Variants in ANAPC16 observed in about 807,000 individuals in gnomAD.
ANAPC16 encodes anaphase promoting complex subunit 16.
In ANAPC16, 6 loss-of-function variants were observed where a neutral mutation model predicts 13.1. The ratio of observed to expected loss-of-function variants is 0.46; its 90% CI spans 0.25 to 0.90. The LOEUF (loss-of-function observed/expected upper bound fraction) is 0.90, where lower values mean the gene tolerates loss of function less well. ANAPC16 is among the 40% of genes least tolerant of loss of function. The pLI, the probability that ANAPC16 is intolerant of heterozygous loss-of-function variation, is 0.18. For missense variants in ANAPC16, 113 were observed against 131.1 expected (o/e 0.86, Z 0.67); for synonymous variants, 55 against 51.3 (o/e 1.07, Z -0.31).
Position 72,230,422 on chromosome 10 carries a change from C to T in ANAPC16, c.199C>T (p.Leu67Phe). The stretch of plus-strand genomic sequence containing the variant: ...TTTTAGCTATCAAGTGGCATCCACG[C>T]TTAAACAGGTGAAACATGGTAAGCA... ...SVFSYQVASTLKQVKHDQQVA... is the reference protein window; with the variant it reads ...SVFSYQVASTFKQVKHDQQVA... Residue 67 changes from leucine to phenylalanine, a missense_variant, in exon 3 of 4, where the codon CTT (leucine) becomes TTT (phenylalanine). Transcript: ENST00000299381. 1 of 1,614,048 alleles carries T rather than the reference C, an allele frequency of 6.2e-7. No homozygotes were observed. Among genetic ancestry groups the T allele is most frequent in the Non-Finnish European group, 8.5e-7 (1 of 1,179,952 alleles).
At chr10:72,222,842 T>C (rs1190219490) in intron 1 of ANAPC16, among the ~76,000 whole-genome samples, 1 of 152,232 alleles carries the variant, frequency 6.6e-6, no homozygotes, top group Non-Finnish European at 1.5e-5. Context: ...GTTAAAGTCG[T>C]GTAAGCTTCT....
intron 1 of ANAPC16, among the ~76,000 whole-genome samples, chr10:72,218,165 A>AATATATAT (rs61038115): frequency 6.3e-5 from 2 of 31,534 alleles, no homozygotes; most frequent in African/African-American, 1.6e-4. Flanking sequence ...AAAAAAAAAA[A>AATATATAT]ATATATATAT....
Position 72,234,455 on chromosome 10 carries a change from C to T in ANAPC16, c.*1339C>T, listed in dbSNP as rs545433712. ...GCCTGGCCTCAAGTAAGTTTTTATA[C>T]CATGATAGGGGAAAACCTGGAAGGC... On this transcript the variant is annotated 3_prime_UTR_variant, in exon 4 of 4. Coordinates refer to ENST00000299381, the MANE Select transcript of ANAPC16 (RefSeq NM_173473.4). The T allele has an allele frequency of 6.6e-6, 1 of 152,276 alleles. No individual in the cohort carries two copies. Among genetic ancestry groups the T allele is most frequent in the East Asian group, 1.9e-4 (1 of 5,178 alleles). The allele number at this position is 152,276 out of a possible 1,614,324, so 9.4% of individuals were successfully genotyped here.
chr10:72,223,971 T>C lies in ANAPC16; in HGVS notation c.57T>C (p.Thr19=), dbSNP rs1340403122. ...SAGGVSGSSV[T]GSGFSVSDLA... The stretch of plus-strand genomic sequence containing the variant: ...GTGGGGTCAGTGGAAGTTCTGTCAC[T>C]GGATCTGGTTTCAGTGTCTCAGACC... Residue 19 remains threonine (T), a synonymous_variant, in exon 2 of 4, where the codon ACT becomes ACC. Transcript: ENST00000299381. 1 of 1,612,384 alleles carries C rather than the reference T, an allele frequency of 6.2e-7. No individual in the cohort carries two copies.
rs1448311955 is a variant in ANAPC16, at chr10:72,224,057, GT to G, written c.142+2del. The G allele has an allele frequency of 3.8e-6, 6 of 1,583,404 alleles. No homozygotes were observed. The highest frequency in any genetic ancestry group is 5.2e-6 in the Non-Finnish European group (6 of 1,158,876). Reference sequence around the variant, plus strand: ...AAAGGAGCTGGAGAGATGTTAGAAGGTGATCTCATGCTGCTTTCTGAATAAT... The same window carrying G: ...AAAGGAGCTGGAGAGATGTTAGAAGGGATCTCATGCTGCTTTCTGAATAAT... On this transcript the variant is annotated splice_donor_variant, in intron 2 of 3. Transcript: ENST00000299381. LOFTEE classifies it high-confidence loss of function.
rs774575440 is a variant in ANAPC16 at position 72,233,154 on chromosome 10, C to CA, written c.*41dup. 20 of 1,547,274 alleles carry CA rather than the reference C, an allele frequency of 1.3e-5. No individual in the cohort carries two copies. The East Asian group carries it at 4.5e-4, about 35-fold the overall frequency. On this transcript the variant is annotated 3_prime_UTR_variant, in exon 4 of 4. Transcript: ENST00000299381. ...GGTCACCTCTGGTGCGCAGCAAGTG[C>CA]AAAGCCAGTGGGGGACTTTCTCACA... is the stretch of plus-strand genomic sequence containing the variant.
chr10:72,221,292 ACAATT>A (rs902053641), intron 1 of ANAPC16, among the ~76,000 whole-genome samples: 1 of 152,202 alleles, frequency 6.6e-6, no homozygotes. Context: ...TTTAAAGTAT[ACAATT>A]CAATATAAAG....
intron 1 of ANAPC16, among the ~76,000 whole-genome samples, chr10:72,217,818 A>C: frequency 6.6e-6 from 1 of 152,198 alleles, no homozygotes; most frequent in African/African-American, 2.4e-5. Context: ...CAGAAATCCA[A>C]AATCCTCCAA....
chr10:72,219,421 G>C (rs1859812339), intron 1 of ANAPC16, among the ~76,000 whole-genome samples: 1 of 152,148 alleles, frequency 6.6e-6, no homozygotes, highest in South Asian at 2.1e-4. Context: ...GAGAAAAGAG[G>C]AAGAGTGATC....
intron 3 of ANAPC16, among the ~76,000 whole-genome samples, chr10:72,230,992 G>A (rs576872123): frequency 1.4e-4 from 22 of 152,140 alleles, no homozygotes; most frequent in Admixed American, 3.9e-4. Flanking sequence ...TCCTCCACTG[G>A]TTACCATCAT....
At chr10:72,221,932 G>A (rs1326925448) in intron 1 of ANAPC16, among the ~76,000 whole-genome samples, 1 of 150,758 alleles carries the variant, frequency 6.6e-6, no homozygotes, top group Non-Finnish European at 1.5e-5. Flanking sequence ...GTTTCACCAT[G>A]TTGGCCAGGC....
At chr10:72,227,166 A>G (rs1449506933) in intron 2 of ANAPC16, among the ~76,000 whole-genome samples, 2 of 152,216 alleles carry the variant, frequency 1.3e-5, no homozygotes, top group African/African-American at 2.4e-5. Flanking sequence ...AAGTCATTTA[A>G]ATTCTAGCTA....
At chr10:72,232,186 CAAAAAAAAAA>C (rs1194817055) in intron 3 of ANAPC16, among the ~76,000 whole-genome samples, 3 of 43,898 alleles carry the variant, frequency 6.8e-5, no homozygotes, top group East Asian at 7.8e-4. Context: ...AACTCTGTCT[CAAAAAAAAAA>C]AAAAAAAAAA....
chr10:72,219,100 G>A (rs1859794898), intron 1 of ANAPC16, among the ~76,000 whole-genome samples: 1 of 152,172 alleles, frequency 6.6e-6, no homozygotes, highest in African/African-American at 2.4e-5. Context: ...AGGTAAAATA[G>A]ATTAGAGTTT....
In ANAPC16 at chr10:72,233,993, A is replaced by C. The variant is rs914697267; in HGVS notation, c.*877A>C. On this transcript the variant is annotated 3_prime_UTR_variant, in exon 4 of 4. Transcript: ENST00000299381. ...TTATAGGAGTACATAAATTTATCTT[A>C]ATGATATTTAAGTAGTTTTTTTTTT... The C allele has an allele frequency of 6.6e-6, 1 of 151,748 alleles. No individual in the cohort carries two copies. Among genetic ancestry groups the C allele is most frequent in the Non-Finnish European group, 1.5e-5 (1 of 68,008 alleles). The allele number at this position is 151,748 out of a possible 1,614,324, so 9.4% of individuals were successfully genotyped here.
chr10:72,235,705 T>A lies in ANAPC16; in HGVS notation c.*2589T>A, dbSNP rs1860449151. The A allele has an allele frequency of 2.6e-5, 4 of 152,236 alleles. No homozygotes were observed. The highest frequency in any genetic ancestry group is 2.6e-4 in the Admixed American group (4 of 15,280). The allele number at this position is 152,236 out of a possible 1,614,324, so 9.4% of individuals were successfully genotyped here. On this transcript the variant is annotated 3_prime_UTR_variant, in exon 4 of 4. Coordinates refer to ENST00000299381, the MANE Select transcript of ANAPC16 (RefSeq NM_173473.4). Reference sequence around the variant, plus strand: ...AGAAGCAATCACTACCTTTCTCGTTTCATTTGTGTAACCATGCAGCATAGG... The same window carrying A: ...AGAAGCAATCACTACCTTTCTCGTTACATTTGTGTAACCATGCAGCATAGG...
At chr10:72,217,966 G>A (rs1398580643) in intron 1 of ANAPC16, among the ~76,000 whole-genome samples, 2 of 150,816 alleles carry the variant, frequency 1.3e-5, no homozygotes, top group Non-Finnish European at 2.9e-5. Context: ...AAAAAAATCC[G>A]AAATCCAGAA....
At chr10:72,232,964 C>A in intron 3 of ANAPC16, 37 bp from the exon 4 acceptor site, 1 of 1,541,540 alleles carries the variant, frequency 6.5e-7, no homozygotes, top group Non-Finnish European at 9.0e-7. Context: ...TTGGGTAATA[C>A]GTTGTTGCAT....
Position 72,230,862 on chromosome 10 carries a change from GCCTGTGCAACAGAGAC to G in ANAPC16, c.217+428_217+443del. Among the ~76,000 whole-genome samples, 3 of 152,238 alleles carry G rather than the reference GCCTGTGCAACAGAGAC, an allele frequency of 2.0e-5. No homozygotes were observed. In the South Asian group the frequency reaches 6.2e-4, roughly 32 times the overall value. ...GCCGGAATCACAGCACTGCACTCTA[GCCTGTGCAACAGAGAC>G]CCTGTCTGAAAAACAAAAAAAGTTG... On this transcript the variant is annotated intron_variant, in intron 3 of 3. Coordinates refer to ENST00000299381, the MANE Select transcript of ANAPC16 (RefSeq NM_173473.4).
Sources: gnomAD v4.1 joint callset for allele counts (sites outside exome capture counted in the v4.1 genomes callset) on GRCh38, gnomAD v4.1.1 for gene constraint, MANE v1.5 for transcripts, NCBI Gene and HGNC (gene_info 2026-07-23, HGNC 2026-07-21) for gene names.